The following SLIT2 variants were observed in gnomAD, a reference collection of about 807,000 sequenced individuals.
SLIT2 encodes the protein slit guidance ligand 2.
Under a neutral mutation model 185.7 loss-of-function variants are expected in SLIT2, and 41 were observed. The observed-to-expected ratio is 0.22, with a 90% CI of 0.17 to 0.29. The LOEUF (loss-of-function observed/expected upper bound fraction) is 0.29. SLIT2 is among the 10% of genes least tolerant of loss of function. The pLI is 1.00. For missense variants in SLIT2, 1,571 were observed against 1,909.0 expected (o/e 0.82, Z 3.30); for synonymous variants, 693 against 680.2 (o/e 1.02, Z -0.29).
At chr4:20,548,429 A>G in intron 22 of SLIT2, 59 bp from the exon 23 acceptor site, 1 of 846,886 alleles carries the variant, frequency 1.2e-6, no homozygotes, top group Non-Finnish European at 2.0e-6. Flanking sequence ...CCTTCTAAGA[A>G]TCACTAATAT....
At chr4:20,399,030 C>T (rs112429033) in intron 4 of SLIT2, among the ~76,000 whole-genome samples, 1,660 of 151,480 alleles carry the variant, frequency 0.011, 29 homozygotes, top group African/African-American at 0.038. Flanking sequence ...TACAAGTGTA[C>T]GATGATACAA....
At chr4:20,591,118 A>G (rs1727483965) in intron 30 of SLIT2, among the ~76,000 whole-genome samples, 1 of 151,926 alleles carries the variant, frequency 6.6e-6, no homozygotes, top group Non-Finnish European at 1.5e-5. Flanking sequence ...TGGTAATAAT[A>G]CCATCTTATG....
chr4:20,367,881 T>C (rs1288033494), intron 4 of SLIT2, among the ~76,000 whole-genome samples: 1 of 152,124 alleles, frequency 6.6e-6, no homozygotes, highest in African/African-American at 2.4e-5. Flanking sequence ...TTCAGTCCAT[T>C]CTTACAGGGG....
intron 22 of SLIT2, among the ~76,000 whole-genome samples, chr4:20,546,687 CT>C (rs1304471444): frequency 4.6e-5 from 7 of 151,918 alleles, no homozygotes; most frequent in Non-Finnish European, 7.4e-5. Context: ...AATAACATCT[CT>C]TTTTTTATTA....
chr4:20,477,858 C>T (rs1233336421), intron 5 of SLIT2, among the ~76,000 whole-genome samples: 1 of 152,112 alleles, frequency 6.6e-6, no homozygotes, highest in African/African-American at 2.4e-5. Context: ...AATTTCGTAG[C>T]ACAATTGCAA....
intron 34 of SLIT2, among the ~76,000 whole-genome samples, chr4:20,614,440 T>C (rs1729481712): frequency 6.6e-6 from 1 of 152,082 alleles, no homozygotes; most frequent in Admixed American, 6.6e-5. Flanking sequence ...ATTGATTGAA[T>C]GATTTCCAAC....
intron 14 of SLIT2, among the ~76,000 whole-genome samples, chr4:20,524,462 C>G (rs910992267): frequency 6.6e-6 from 1 of 152,154 alleles, no homozygotes; most frequent in Non-Finnish European, 1.5e-5. Flanking sequence ...TTAACCAGAG[C>G]CTTATAGCTA....
rs1553908757 is a variant in SLIT2, at chr4:20,472,540, C to CTAGA, written c.467+4719_467+4720insGATA. On this transcript the variant is annotated intron_variant, in intron 5 of 36. Coordinates refer to ENST00000504154, the MANE Select transcript of SLIT2 (RefSeq NM_004787.4). ...GATATATATCTATATATAGATATAT[C>CTAGA]TATATCTATATATAGATATATATCT... 2.1e-4 allele frequency among the ~76,000 whole-genome samples: 2 copies of CTAGA among 9,494 alleles called. 1 individual carries two copies. The highest frequency in any genetic ancestry group is 1.3e-3 in the African/African-American group (2 of 1,492). 6.2% of individuals were successfully genotyped at this position (9,494 alleles called of 152,430 possible).
chr4:20,611,294 T>G (rs1251579295), intron 34 of SLIT2, among the ~76,000 whole-genome samples: 1 of 152,206 alleles, frequency 6.6e-6, no homozygotes, highest in Admixed American at 6.5e-5. Flanking sequence ...TTTTAATAAT[T>G]TCAGTAGTAG....
In SLIT2 at chr4:20,617,558, T is replaced by C. The variant is rs547930244; in HGVS notation, c.4256T>C (p.Ile1419Thr). 1 of 1,613,862 alleles carries C rather than the reference T, an allele frequency of 6.2e-7. No individual in the cohort carries two copies. Among genetic ancestry groups the C allele is most frequent in the South Asian group, 1.1e-5 (1 of 91,032 alleles). Residue 1419 changes from isoleucine (I) to threonine (T), a missense_variant, in exon 36 of 37, where the codon ATC becomes ACC. Transcript: ENST00000504154. ...GATCTGTTTAACCCATGCCAGGCGA[T>C]CAAGTGCAAGCATGGGAAGTGCAGG... is the stretch of plus-strand genomic sequence containing the variant. Reference protein sequence around the residue: ...EEDLFNPCQAIKCKHGKCRLS... With the variant: ...EEDLFNPCQATKCKHGKCRLS...
intron 4 of SLIT2, among the ~76,000 whole-genome samples, chr4:20,404,549 A>G (rs1484424735): frequency 1.3e-5 from 2 of 151,994 alleles, no homozygotes; most frequent in African/African-American, 4.8e-5. Context: ...GGGTGTTAGC[A>G]GTTATTACAT....
chr4:20,483,277 C>T (rs1385039816), intron 6 of SLIT2, among the ~76,000 whole-genome samples: 8 of 151,908 alleles, frequency 5.3e-5, no homozygotes, highest in Middle Eastern at 3.4e-3. Context: ...TATATATGAG[C>T]GTACAAAGAG....
In SLIT2 at chr4:20,252,955, T is replaced by A. The variant is rs960172620; in HGVS notation, c.-861T>A. On this transcript the variant is annotated 5_prime_UTR_variant, in exon 1 of 37. Transcript: ENST00000504154. ...AGTTCCTCGCCGGAGTGCTGACTAG[T>A]GGATATTTCTGCCCGGCTGCGGCGG... 6.6e-6 allele frequency among the ~76,000 whole-genome samples: 1 copy of A among 152,170 alleles called. No homozygotes were observed.
chr4:20,491,634 A>G (rs1717787166), intron 8 of SLIT2, 127 bp from the exon 9 acceptor site: 2 of 749,470 alleles, frequency 2.7e-6, no homozygotes, highest in Non-Finnish European at 4.2e-6. Context: ...ATATAGGACC[A>G]TTTTATCATC....
chr4:20,497,979 C>G (rs1034364605), intron 9 of SLIT2, among the ~76,000 whole-genome samples: 5 of 152,152 alleles, frequency 3.3e-5, no homozygotes, highest in African/African-American at 9.7e-5. Context: ...CAACACCATC[C>G]TGGCCAAAAT....
chr4:20,296,951 A>C (rs1716541210), intron 4 of SLIT2, among the ~76,000 whole-genome samples: 1 of 152,238 alleles, frequency 6.6e-6, no homozygotes. Context: ...ACAGGTCAGC[A>C]TGCACACACA....
Position 20,429,226 on chromosome 4 carries a change from G to A in SLIT2, c.396-38526G>A, listed in dbSNP as rs540921328. Among the ~76,000 whole-genome samples the A allele has an allele frequency of 5.3e-5, 8 of 151,846 alleles. No homozygotes were observed. The East Asian group carries it at 1.6e-3, about 29-fold the overall frequency. ...GACTTGTTCTCGGTGCGAGTTTATC[G>A]GTTCCTCTGCTTGATTCATAATCAA... On this transcript the variant is annotated intron_variant, in intron 4 of 36. Coordinates refer to ENST00000504154, the MANE Select transcript of SLIT2 (RefSeq NM_004787.4).
At chr4:20,471,689 G>A (rs1337949703) in intron 5 of SLIT2, among the ~76,000 whole-genome samples, 1 of 152,180 alleles carries the variant, frequency 6.6e-6, no homozygotes, top group Non-Finnish European at 1.5e-5. Context: ...TTCACTAAAA[G>A]CATTTGCTTT....
At chr4:20,442,455 C>A (rs13143964) in intron 4 of SLIT2, among the ~76,000 whole-genome samples, 19,262 of 137,212 alleles carry the variant, frequency 0.14, 1,410 homozygotes, top group Admixed American at 0.25. Context: ...GCCCAGGAGG[C>A]GGAGCTTGCA....
Sources: allele counts gnomAD v4.1 joint callset (sites outside exome capture counted in the v4.1 genomes callset), GRCh38; gene constraint gnomAD v4.1.1; transcripts MANE v1.5; gene names NCBI Gene and HGNC (gene_info 2026-07-23, HGNC 2026-07-21).